ZNF367: variants seen among roughly 807,000 people sequenced by gnomAD.
ZNF367 encodes zinc finger protein 367, also known as C2H2 zinc finger protein ZFF29.
Under a neutral mutation model 31.8 loss-of-function variants are expected in ZNF367, and 11 were observed. The observed-to-expected ratio is 0.35, with a 90% CI of 0.22 to 0.57. The LOEUF (loss-of-function observed/expected upper bound fraction) is 0.57. ZNF367 is among the 20% of genes least tolerant of loss of function. The pLI, the probability that ZNF367 is intolerant of heterozygous loss-of-function variation, is 0.85. For synonymous variants in ZNF367, 199 were observed against 202.4 expected (o/e 0.98, Z 0.14); for missense variants, 353 against 484.1 (o/e 0.73, Z 2.54).
At chr9:96,406,609 G>A (rs746064650) in intron 1 of ZNF367, among the ~76,000 whole-genome samples, 4 of 152,092 alleles carry the variant, frequency 2.6e-5, no homozygotes, top group Non-Finnish European at 1.5e-5. Flanking sequence ...TTCAGGCAGC[G>A]TACTAAACAG....
intron 1 of ZNF367, among the ~76,000 whole-genome samples, chr9:96,408,716 T>C (rs925429025): frequency 2.6e-5 from 4 of 152,224 alleles, no homozygotes; most frequent in African/African-American, 9.6e-5. Context: ...TCAACACTAC[T>C]GTACTGTATA....
chr9:96,404,162 C>CA (rs1417675321), intron 1 of ZNF367, among the ~76,000 whole-genome samples: 3 of 149,656 alleles, frequency 2.0e-5, no homozygotes, highest in South Asian at 2.1e-4. Flanking sequence ...GACCCTGTCT[C>CA]AAAAAAACAA....
At chr9:96,404,576 G>C (rs1256856863) in intron 1 of ZNF367, among the ~76,000 whole-genome samples, 1 of 149,820 alleles carries the variant, frequency 6.7e-6, no homozygotes, top group East Asian at 2.0e-4. Flanking sequence ...CTGGGCAACA[G>C]AGTGAGCCAA....
chr9:96,399,414 A>T (rs755898584), intron 1 of ZNF367, among the ~76,000 whole-genome samples: 3 of 152,148 alleles, frequency 2.0e-5, no homozygotes, highest in Non-Finnish European at 4.4e-5. Flanking sequence ...CTATAATCCC[A>T]GTGACTCAGG....
At chr9:96,395,478 G>T (rs984102045) in intron 2 of ZNF367, among the ~76,000 whole-genome samples, 2 of 152,164 alleles carry the variant, frequency 1.3e-5, no homozygotes, top group African/African-American at 4.8e-5. Flanking sequence ...GGTCCTCTAA[G>T]ATCGGCACTC....
intron 1 of ZNF367, among the ~76,000 whole-genome samples, chr9:96,416,644 T>G (rs1429785263): frequency 5.3e-5 from 8 of 152,182 alleles, no homozygotes; most frequent in African/African-American, 1.9e-4. Context: ...TCTTGCAAAT[T>G]GCTTATCTTA....
At position 96,416,392 on chromosome 9, in the gene ZNF367, C is replaced by T. The variant is rs56866063; in HGVS notation, c.420+1221G>A. Among the ~76,000 whole-genome samples the T allele has an allele frequency of 2.4e-3, 368 of 152,254 alleles. 1 individual carries two copies. The highest frequency in any genetic ancestry group is 8.4e-3 in the African/African-American group (348 of 41,562). On this transcript the variant is annotated intron_variant, in intron 1 of 4. Transcript: ENST00000375256. ...TGAGCCACCGCACCCGGCCCAGGTT[C>T]TGTTCTTTCAAATGTTTACTGAGGT... is the stretch of plus-strand genomic sequence containing the variant.
intron 1 of ZNF367, among the ~76,000 whole-genome samples, chr9:96,411,920 T>C (rs960188754): frequency 9.9e-5 from 15 of 152,142 alleles, no homozygotes; most frequent in African/African-American, 3.6e-4. Context: ...CTCCGCCTCC[T>C]GGGTTCATGC....
chr9:96,402,314 A>G (rs952185630), intron 1 of ZNF367, among the ~76,000 whole-genome samples: 4 of 152,062 alleles, frequency 2.6e-5, no homozygotes, highest in African/African-American at 9.7e-5. Flanking sequence ...GGACAGAAAA[A>G]CTTATAACTT....
chr9:96,392,378 CT>C lies in ZNF367; in HGVS notation c.830+19del. 1.2e-5 allele frequency: 20 copies of C among 1,614,132 alleles called. No individual in the cohort carries two copies. The highest frequency in any genetic ancestry group is 1.6e-5 in the Non-Finnish European group (19 of 1,180,028). ...CCGCGCTGTGCATCTTCACGGTGGA[CT>C]AAAGGCAGCATTCCTGACCTCGCCA... On this transcript the variant is annotated intron_variant, in intron 4 of 4. Coordinates refer to ENST00000375256, the MANE Select transcript of ZNF367 (RefSeq NM_153695.4).
At chr9:96,389,967 G>A (rs557677632) in intron 4 of ZNF367, among the ~76,000 whole-genome samples, 10 of 147,116 alleles carry the variant, frequency 6.8e-5, no homozygotes, top group Admixed American at 2.1e-4. Context: ...GTGTAATGAC[G>A]GGATTTTACC....
At chr9:96,414,477 T>C (rs1831792172) in intron 1 of ZNF367, among the ~76,000 whole-genome samples, 1 of 152,142 alleles carries the variant, frequency 6.6e-6, no homozygotes, top group African/African-American at 2.4e-5. Context: ...CCCATGCATC[T>C]TGTTAGCAAT....
chr9:96,417,953 G>C lies in ZNF367; in HGVS notation c.80C>G (p.Pro27Arg). ...PPPVIFCHDSPKRVLVSVIRT... is the reference protein window; with the variant it reads ...PPPVIFCHDSRKRVLVSVIRT... ...GATGACCGACACCAGCACCCGCTTCGGGGAGTCGTGGCAGAAGATGACGGG... is the reference window on the plus strand; with the variant it reads ...GATGACCGACACCAGCACCCGCTTCCGGGAGTCGTGGCAGAAGATGACGGG... Residue 27 changes from proline (P) to arginine (R), a missense_variant, in exon 1 of 5, where the codon CCG becomes CGG. Around this residue, in one of 5 missense-constraint regions of ZNF367, gnomAD observed 94 missense variants for 86.7 expected, o/e 1.08. Coordinates refer to ENST00000375256, the MANE Select transcript of ZNF367 (RefSeq NM_153695.4). This position sits in a 1 kb window ranked among gnomAD's most constrained non-coding sequence, Gnocchi z 5.0. 1 of 1,493,300 alleles carries C rather than the reference G, an allele frequency of 6.7e-7. No individual in the cohort carries two copies. The highest frequency in any genetic ancestry group is 8.9e-7 in the Non-Finnish European group (1 of 1,128,450). The allele number at this position is 1,493,300 out of a possible 1,614,324, so 92.5% of individuals were successfully genotyped here.
chr9:96,394,855 G>T lies in ZNF367; in HGVS notation c.659C>A (p.Thr220Asn), dbSNP rs1564140392. ...TGAACAAACAAAAGGTTTCTCTCCG[G>T]TGTGAAGACGCTGATGTGTTTTGAG... ...GQLKTHQRLH[T>N]GEKPFVCSEN... is the part of the protein sequence containing the mutation. Residue 220 changes from threonine to asparagine, a missense_variant, in exon 3 of 5, where the codon ACC becomes AAC. Physicochemically the swap from Thr to Asn is moderately conservative, Grantham distance 65. This residue lies in a region of ZNF367 where 57 missense variants were observed against 141.9 expected (regional missense o/e 0.40). Coordinates refer to ENST00000375256, the MANE Select transcript of ZNF367 (RefSeq NM_153695.4). The T allele has an allele frequency of 6.2e-7, 1 of 1,614,002 alleles. No homozygotes were observed.
chr9:96,401,474 A>G (rs906320447), intron 1 of ZNF367, among the ~76,000 whole-genome samples: 9 of 152,034 alleles, frequency 5.9e-5, no homozygotes, highest in Non-Finnish European at 2.9e-5. Context: ...CAGCCTCAAC[A>G]TGGAGAAACC....
At chr9:96,401,742 C>A (rs4631581) in intron 1 of ZNF367, among the ~76,000 whole-genome samples, 1 of 151,014 alleles carries the variant, frequency 6.6e-6, no homozygotes, top group Non-Finnish European at 1.5e-5. Context: ...GCAGGAGAAT[C>A]GCTTGAACCT....
intron 1 of ZNF367, among the ~76,000 whole-genome samples, chr9:96,410,561 C>CAAAAAAAAAAA (rs35609930): frequency 1.0e-4 from 7 of 69,626 alleles, no homozygotes; most frequent in Non-Finnish European, 1.5e-4. Context: ...GACTCCGTCT[C>CAAAAAAAAAAA]AAAAAAAAAA....
At chr9:96,391,150 A>G (rs1258987292) in intron 4 of ZNF367, among the ~76,000 whole-genome samples, 1 of 152,218 alleles carries the variant, frequency 6.6e-6, no homozygotes, top group Non-Finnish European at 1.5e-5. Flanking sequence ...AACAAAACAG[A>G]GTTTATTCCT....
In ZNF367 at chr9:96,415,559, G is replaced by A. The variant is rs1587751345; in HGVS notation, c.420+2054C>T. On this transcript the variant is annotated intron_variant, in intron 1 of 4. Transcript: ENST00000375256. ...GTCCCCCAGGCTGGAGTGCAATGGC[G>A]CAATCTCGGCTCACTGCAACCGCCG... is the stretch of plus-strand genomic sequence containing the variant. Among the ~76,000 whole-genome samples the A allele has an allele frequency of 3.6e-5, 4 of 112,066 alleles. No individual in the cohort carries two copies. In the South Asian group the frequency reaches 1.3e-3, roughly 36 times the overall value. The allele number at this position is 112,066 out of a possible 152,430, so 73.5% of individuals were successfully genotyped here.
Sources: gnomAD v4.1 joint callset for allele counts (sites outside exome capture counted in the v4.1 genomes callset) on GRCh38, gnomAD v4.1.1 for gene constraint, gnomAD v4.1.1 regional missense constraint, Gnocchi (gnomAD v3.1) non-coding constraint, MANE v1.5 for transcripts, NCBI Gene and HGNC (gene_info 2026-07-23, HGNC 2026-07-21) for gene names.